The following FMN1 variants were observed in gnomAD, a reference collection of about 807,000 sequenced individuals.
The protein encoded by FMN1 is formin 1, also known as formin-1.
A neutral mutation model predicts 132.4 loss-of-function variants in FMN1; 110 were observed. The ratio of observed to expected loss-of-function variants is 0.83; its 90% CI spans 0.71 to 0.97. The LOEUF is 0.97. FMN1 is among the 50% of genes least tolerant of loss of function. FMN1 has a pLI of 0.00. For missense variants in FMN1, 1,792 were observed against 1,705.3 expected, an observed-to-expected ratio of 1.05 and a Z score of -0.90; for synonymous variants, 722 against 651.7, an observed-to-expected ratio of 1.11 and a Z score of -1.64.
At chr15:33,023,059 C>CAAAAAAAAAAAAA (rs758459713) in intron 6 of FMN1, among the ~76,000 whole-genome samples, 12 of 53,206 alleles carry the variant, frequency 2.3e-4, no homozygotes, top group Admixed American at 3.0e-4. Flanking sequence ...CTCCCCCACC[C>CAAAAAAAAAAAAA]AAAAAAAAAA....
intron 19 of FMN1, among the ~76,000 whole-genome samples, chr15:32,797,467 A>C (rs903211060): frequency 6.6e-6 from 1 of 152,232 alleles, no homozygotes; most frequent in African/African-American, 2.4e-5. Context: ...GATTCCACAG[A>C]AACTTATTTT....
intron 4 of FMN1, among the ~76,000 whole-genome samples, chr15:33,098,247 A>G (rs1014911457): frequency 6.6e-6 from 1 of 152,216 alleles, no homozygotes; most frequent in African/African-American, 2.4e-5. Flanking sequence ...CTTCATGCTG[A>G]GTGACTGTCC....
intron 6 of FMN1, among the ~76,000 whole-genome samples, chr15:33,054,417 G>A (rs1303383327): frequency 6.6e-6 from 1 of 151,944 alleles, no homozygotes; most frequent in Non-Finnish European, 1.5e-5. Context: ...CTATGACTAT[G>A]GCATCATTTC....
chr15:32,854,433 G>A (rs2059078424), intron 17 of FMN1, among the ~76,000 whole-genome samples: 1 of 152,188 alleles, frequency 6.6e-6, no homozygotes, highest in Non-Finnish European at 1.5e-5. Flanking sequence ...TCCTACAATA[G>A]TATATATATT....
chr15:33,053,383 A>C (rs191331812), intron 6 of FMN1, among the ~76,000 whole-genome samples: 1 of 152,184 alleles, frequency 6.6e-6, no homozygotes, highest in Non-Finnish European at 1.5e-5. Flanking sequence ...AGTTGCTCCT[A>C]TGTTGGCACT....
rs1286307994 is a variant in FMN1 at position 32,798,216 on chromosome 15, A to ACACACCC, written c.4130+587_4130+588insGGGTGTG. Among the ~76,000 whole-genome samples, 294 of 140,976 alleles carry ACACACCC rather than the reference A, an allele frequency of 2.1e-3. 2 individuals are homozygous for ACACACCC. The highest frequency in any genetic ancestry group is 7.3e-3 in the African/African-American group (283 of 38,546). The allele number at this position is 140,976 out of a possible 152,430, so 92.5% of individuals were successfully genotyped here. A position where few individuals can be genotyped will look rare whatever the true frequency, so the allele number is the denominator to read the frequency against. On this transcript the variant is annotated intron_variant, in intron 19 of 20. Transcript: ENST00000616417. ...CACACACACACACACACACACACAC[A>ACACACCC]CCCCGTCTATATTCAGAGTTGAGGT...
intron 13 of FMN1, 111 bp downstream of exon 13, chr15:32,901,800 C>T: frequency 1.3e-6 from 1 of 791,872 alleles, no homozygotes; most frequent in Non-Finnish European, 1.8e-6. Flanking sequence ...CTTAGAAAAA[C>T]ATACAATCTG....
chr15:32,931,837 C>T (rs1441594287), intron 9 of FMN1, among the ~76,000 whole-genome samples: 4 of 152,164 alleles, frequency 2.6e-5, no homozygotes, highest in African/African-American at 7.2e-5. Context: ...GAACTTTTAG[C>T]ATATGGTCTT....
In FMN1 at chr15:33,154,281, A is replaced by T; in HGVS notation, c.634T>A (p.Trp212Arg). 6.5e-7 allele frequency: 1 copy of T among 1,536,136 alleles called. No homozygotes were observed. The highest frequency in any genetic ancestry group is 8.7e-7 in the Non-Finnish European group (1 of 1,146,916). The change falls in exon 4 of 21, where the codon TGG becomes AGG. Residue 212 changes from tryptophan to arginine, a missense_variant. This residue lies in a region of FMN1 where 638 missense variants were observed against 645.2 expected (regional missense o/e 0.99). Transcript: ENST00000616417. ...LPLSRTRPNL[W>R]VLEEKGNLLP... ...AGATTTCCTTTCTCCTCTAGTACCCAAAGGTTAGGCCTTGTTCTAGAAAGA... is the reference window on the plus strand; with the variant it reads ...AGATTTCCTTTCTCCTCTAGTACCCTAAGGTTAGGCCTTGTTCTAGAAAGA...
chr15:32,804,422 CAGGAGGTCTG>C, intron 17 of FMN1, 90 bp from the exon 18 acceptor site: 1 of 120,060 alleles, frequency 8.3e-6, no homozygotes, highest in Non-Finnish European at 1.5e-5. Context: ...TTCATTACCA[CAGGAGGTCTG>C]AATTCGGGGG....
At chr15:32,886,227 G>A (rs182583550) in intron 16 of FMN1, among the ~76,000 whole-genome samples, 341 of 152,262 alleles carry the variant, frequency 2.2e-3, no homozygotes, top group African/African-American at 7.8e-3. Flanking sequence ...GATTAGCAGG[G>A]CATTTTTGTT....
At chr15:33,033,243 G>A (rs189769366) in intron 6 of FMN1, among the ~76,000 whole-genome samples, 3 of 152,240 alleles carry the variant, frequency 2.0e-5, no homozygotes, top group African/African-American at 4.8e-5. Context: ...TGTTAGCCAG[G>A]ATAGTCTTGA....
chr15:33,086,852 G>T (rs1446225963), intron 5 of FMN1, among the ~76,000 whole-genome samples: 1 of 152,222 alleles, frequency 6.6e-6, no homozygotes, highest in Non-Finnish European at 1.5e-5. Flanking sequence ...TATCTGGAAT[G>T]TTGAATGCTG....
intron 12 of FMN1, among the ~76,000 whole-genome samples, chr15:32,902,581 T>C (rs2060323824): frequency 6.6e-6 from 1 of 152,244 alleles, no homozygotes; most frequent in Non-Finnish European, 1.5e-5. Flanking sequence ...CAGATATTTG[T>C]TTACTTTTTC....
chr15:33,016,821 G>A (rs892001725), intron 6 of FMN1, among the ~76,000 whole-genome samples: 39 of 152,158 alleles, frequency 2.6e-4, no homozygotes, highest in African/African-American at 9.4e-4. Flanking sequence ...CTTTGACGCA[G>A]GAGATGTGAA....
chr15:32,970,383 AT>A (rs1489293861), intron 7 of FMN1, among the ~76,000 whole-genome samples: 1 of 152,166 alleles, frequency 6.6e-6, no homozygotes, highest in African/African-American at 2.4e-5. Flanking sequence ...AATTTATTTA[AT>A]TTCTGCCTCC....
At chr15:32,833,421 A>G (rs867318819) in intron 17 of FMN1, among the ~76,000 whole-genome samples, 3 of 152,138 alleles carry the variant, frequency 2.0e-5, no homozygotes, top group Admixed American at 6.5e-5. Context: ...CAGAAAGCCA[A>G]CTAGCATCAA....
intron 17 of FMN1, among the ~76,000 whole-genome samples, chr15:32,844,471 A>G (rs1259161455): frequency 6.6e-6 from 1 of 152,236 alleles, no homozygotes; most frequent in Non-Finnish European, 1.5e-5. Flanking sequence ...AAAATATTTT[A>G]ATTGTGAAAA....
intron 4 of FMN1, among the ~76,000 whole-genome samples, chr15:33,094,701 G>A (rs1225474602): frequency 1.3e-5 from 2 of 152,144 alleles, no homozygotes; most frequent in Admixed American, 6.5e-5. Flanking sequence ...GCATTTTAAG[G>A]AAGTATATAA....
Sources: gnomAD v4.1 joint callset for allele counts (sites outside exome capture counted in the v4.1 genomes callset) on GRCh38, gnomAD v4.1.1 for gene constraint, gnomAD v4.1.1 regional missense constraint, MANE v1.5 for transcripts, NCBI Gene and HGNC (gene_info 2026-07-23, HGNC 2026-07-21) for gene names.